The following NPY1R variants were observed in gnomAD, a reference collection of about 807,000 sequenced individuals.
NPY1R encodes neuropeptide Y receptor type 1.
Under a neutral mutation model 24.1 loss-of-function variants are expected in NPY1R, and 10 were observed. The observed-to-expected ratio is 0.42, with a 90% CI of 0.26 to 0.71. NPY1R has a LOEUF of 0.71. NPY1R is among the 30% of genes least tolerant of loss of function. The probability of loss-of-function intolerance (pLI) is 0.28; values close to 1 mark genes in which losing one functional copy is unlikely to be tolerated. For missense variants in NPY1R, 350 were observed against 458.0 expected (o/e 0.76, Z 2.15); for synonymous variants, 168 against 165.9 (o/e 1.01, Z -0.10).
intron 1 of NPY1R, among the ~76,000 whole-genome samples, chr4:163,340,514 TAAAC>T (rs1414456825): frequency 3.9e-5 from 6 of 152,172 alleles, no homozygotes; most frequent in East Asian, 1.9e-4. Context: ...AGAGGGAAAA[TAAAC>T]AATGCCTATG....
upstream of NPY1R, among the ~76,000 whole-genome samples, chr4:163,337,852 T>G (rs767358975): frequency 1.5e-4 from 23 of 152,230 alleles, no homozygotes; most frequent in Non-Finnish European, 2.4e-4. Context: ...CTGGCAAGCT[T>G]CTTTGAGGAT....
At chr4:163,341,927 A>G (rs1734992774) in intron 1 of NPY1R, among the ~76,000 whole-genome samples, 1 of 151,640 alleles carries the variant, frequency 6.6e-6, no homozygotes, top group African/African-American at 2.4e-5. Flanking sequence ...CTCTTTATGT[A>G]GCATATTGCT....
At chr4:163,342,961 C>CTT (rs1316283134) in intron 1 of NPY1R, among the ~76,000 whole-genome samples, 24 of 130,962 alleles carry the variant, frequency 1.8e-4, no homozygotes, top group African/African-American at 5.7e-4. Flanking sequence ...CTCTCCTTCT[C>CTT]TCTCTCTCTC....
In NPY1R at chr4:163,330,747, C is replaced by G. The variant is rs140340535; in HGVS notation, c.-152+1735G>C. ...CCCTTGCAGAGGGAAATTTCCTCTTCTTTCTTTCCAATTAGAATGCTGGCC... is the reference window on the plus strand; with the variant it reads ...CCCTTGCAGAGGGAAATTTCCTCTTGTTTCTTTCCAATTAGAATGCTGGCC... On this transcript the variant is annotated intron_variant, in intron 1 of 2. Transcript: ENST00000296533. 47 of 152,346 alleles carry G rather than the reference C, an allele frequency of 3.1e-4. No homozygotes were observed. In the East Asian group the frequency reaches 4.6e-3, roughly 15 times the overall value. The allele number at this position is 152,346 out of a possible 1,614,324, so 9.4% of individuals were successfully genotyped here. A position where few individuals can be genotyped will look rare whatever the true frequency, so the allele number is the denominator to read the frequency against.
rs1468532814 is a variant in NPY1R, at chr4:163,325,362, G to A, written c.1096C>T (p.Gln366Ter). Residue 366 changes from glutamine to a stop codon, truncating the protein, a stop_gained, in exon 3 of 3, where the codon CAA becomes TAA. Coordinates refer to ENST00000296533, the MANE Select transcript of NPY1R (RefSeq NM_000909.6). LOFTEE classifies it high-confidence loss of function. ...TTTTTAAATGCGACTGGGCTTGCTT[G>A]CTTCAAAGAAGTTTTGGAAACATCT... Reference protein sequence around the residue: ...HTDVSKTSLKQASPVAFKKIN... With the variant: ...HTDVSKTSLK 1 of 1,613,758 alleles carries A rather than the reference G, an allele frequency of 6.2e-7. No individual in the cohort carries two copies. The highest frequency in any genetic ancestry group is 2.2e-5 in the East Asian group (1 of 44,888).
In NPY1R at chr4:163,342,177, G is replaced by T. The variant is rs1490522981; in HGVS notation, c.-152+2128C>A. 3.9e-5 allele frequency among the ~76,000 whole-genome samples: 6 copies of T among 152,072 alleles called. No individual in the cohort carries two copies. In the East Asian group the frequency reaches 1.2e-3, roughly 29 times the overall value. On this transcript the variant is annotated intron_variant, in intron 1 of 1. Coordinates refer to the NPY1R transcript ENST00000511901. ...CTAATAACAGTGACTTCAACCTAAA[G>T]GTTCATATCATCAAAATAGAAAACA...
At chr4:163,340,428 C>G (rs1205902974) in intron 1 of NPY1R, among the ~76,000 whole-genome samples, 1 of 151,950 alleles carries the variant, frequency 6.6e-6, no homozygotes, top group East Asian at 1.9e-4. Context: ...ATAGTTAATA[C>G]TAGCTGCAGA....
intron 1 of NPY1R, among the ~76,000 whole-genome samples, chr4:163,343,018 A>ACACACG (rs1735042934): frequency 7.4e-6 from 1 of 134,984 alleles, no homozygotes; most frequent in East Asian, 2.2e-4. Flanking sequence ...ACACACACAC[A>ACACACG]CGCGCGCGCG....
intron 1 of NPY1R, among the ~76,000 whole-genome samples, chr4:163,332,107 G>A (rs1051744694): frequency 6.6e-5 from 10 of 152,232 alleles, no homozygotes; most frequent in African/African-American, 2.4e-4. Context: ...CTCAAGACAC[G>A]TAAGGAAAAT....
At chr4:163,335,019 T>C (rs1734805326), upstream of NPY1R, among the ~76,000 whole-genome samples, 1 of 152,270 alleles carries the variant, frequency 6.6e-6, no homozygotes, top group Middle Eastern at 3.4e-3. Context: ...TGTAATCTTA[T>C]AGAAGATTTA....
In NPY1R at chr4:163,326,387, A is replaced by G. The variant is rs1734607122; in HGVS notation, c.168T>C (p.Ser56=). The stretch of plus-strand genomic sequence containing the variant: ...TGATTATGATCAAGGCCAGGTTTCC[A>G]GAGACACCAAGAATGATCACAGCTC... ...AYGAVIILGV[S]GNLALIIIIL... The change falls in exon 2 of 3, where the codon TCT becomes TCC. Residue 56 remains serine, a synonymous_variant. Transcript: ENST00000296533. 1.2e-6 allele frequency: 2 copies of G among 1,614,156 alleles called. No homozygotes were observed. The highest frequency in any genetic ancestry group is 2.2e-5 in the South Asian group (2 of 91,082).
At position 163,325,396 on chromosome 4, in the gene NPY1R, C is replaced by T. The variant is rs376323873; in HGVS notation, c.1062G>A (p.Thr354=). Residue 354 remains threonine, a synonymous_variant, in exon 3 of 3, where the codon ACG becomes ACA. Coordinates refer to ENST00000296533, the MANE Select transcript of NPY1R (RefSeq NM_000909.6). ...AAGTTTTGGAAACATCTGTGTGCAT[C>T]GTGGACATGGCTATTGTTTCATAAT... is the stretch of plus-strand genomic sequence containing the variant. ...DDDYETIAMS[T]MHTDVSKTSL... 509 of 1,613,878 alleles carry T rather than the reference C, an allele frequency of 3.2e-4. 1 individual carries two copies. The highest frequency in any genetic ancestry group is 4.2e-4 in the Non-Finnish European group (491 of 1,179,978).
At chr4:163,338,081 G>A (rs1268666391) in intron 1 of NPY1R, among the ~76,000 whole-genome samples, 1 of 152,072 alleles carries the variant, frequency 6.6e-6, no homozygotes, top group Non-Finnish European at 1.5e-5. Context: ...TTCATTGGCT[G>A]TTGCTCAGTC....
Position 163,324,466 on chromosome 4 carries a change from A to T in NPY1R, c.*837T>A, listed in dbSNP as rs1292980335. 1 of 152,212 alleles carries T rather than the reference A, an allele frequency of 6.6e-6. No individual in the cohort carries two copies. The highest frequency in any genetic ancestry group is 2.4e-5 in the African/African-American group (1 of 41,450). 9.4% of individuals were successfully genotyped at this position (152,212 alleles called of 1,614,324 possible). A position where few individuals can be genotyped will look rare whatever the true frequency, so the allele number is the denominator to read the frequency against. Reference sequence around the variant, plus strand: ...GACAAACACTGAACAGTCTGTAAAAAAAATGGAAAATCTCTTGACCATCAA... The same window carrying T: ...GACAAACACTGAACAGTCTGTAAAATAAATGGAAAATCTCTTGACCATCAA... On this transcript the variant is annotated 3_prime_UTR_variant, in exon 3 of 3. Coordinates refer to ENST00000296533, the MANE Select transcript of NPY1R (RefSeq NM_000909.6).
At position 163,325,620 on chromosome 4, in the gene NPY1R, T is replaced by A; in HGVS notation, c.838A>T (p.Thr280Ser). Residue 280 changes from threonine to serine, a missense_variant, in exon 3 of 3, where the codon ACC (threonine) becomes TCC (serine). Physicochemically the swap from Thr to Ser is moderately conservative, Grantham distance 58. Transcript: ENST00000296533. ...VAFAVCWLPL[T>S]IFNTVFDWNH... ...CAATCAAACACAGTGTTAAAGATGG[T>A]AAGAGGGAGCCAGCAGACTGCAAAT... The A allele has an allele frequency of 6.2e-7, 1 of 1,612,588 alleles. No homozygotes were observed. The highest frequency in any genetic ancestry group is 8.5e-7 in the Non-Finnish European group (1 of 1,179,972).
upstream of NPY1R, among the ~76,000 whole-genome samples, chr4:163,335,766 T>C (rs1228980741): frequency 6.6e-6 from 1 of 152,150 alleles, no homozygotes; most frequent in Non-Finnish European, 1.5e-5. Context: ...TTTGGATCTT[T>C]GACGCCCAAG....
intron 1 of NPY1R, among the ~76,000 whole-genome samples, chr4:163,339,120 C>T (rs1197496397): frequency 1.3e-5 from 2 of 152,120 alleles, no homozygotes; most frequent in Non-Finnish European, 2.9e-5. Flanking sequence ...AGTGAAGGGC[C>T]AAAGACATCC....
Position 163,326,192 on chromosome 4 carries a change from A to C in NPY1R, c.363T>G (p.Cys121Trp). Residue 121 changes from cysteine (C) to tryptophan (W), a missense_variant, in exon 2 of 3, where the codon TGT (cysteine) becomes TGG (tryptophan). By Grantham distance (215) the Cys-to-Trp change is radical. Transcript: ENST00000296533. ...AGAAAATGGACACAGTGATTGAAAC[A>C]CATTGCACAAAAGGATTCAACTTAC... is the stretch of plus-strand genomic sequence containing the variant. ...AMCKLNPFVQCVSITVSIFSL... is the reference protein window; with the variant it reads ...AMCKLNPFVQWVSITVSIFSL... 1 of 1,614,170 alleles carries C rather than the reference A, an allele frequency of 6.2e-7. No individual in the cohort carries two copies. Among genetic ancestry groups the C allele is most frequent in the Non-Finnish European group, 8.5e-7 (1 of 1,179,976 alleles).
chr4:163,333,459 AACAC>A (rs1457201308), upstream of NPY1R, among the ~76,000 whole-genome samples: 1 of 152,054 alleles, frequency 6.6e-6, no homozygotes, highest in African/African-American at 2.4e-5. Context: ...CAAAGTTGTA[AACAC>A]ACACATACAC....
Sources: allele counts gnomAD v4.1 joint callset (sites outside exome capture counted in the v4.1 genomes callset), GRCh38; gene constraint gnomAD v4.1.1; transcripts MANE v1.5; gene names NCBI Gene and HGNC (gene_info 2026-07-23, HGNC 2026-07-21).